The following IL1RL1 variants were observed in gnomAD, a reference collection of about 807,000 sequenced individuals.
IL1RL1 encodes the protein interleukin-1 receptor-like 1.
Under a neutral mutation model 50.9 loss-of-function variants are expected in IL1RL1, and 32 were observed. The observed-to-expected ratio is 0.63, with a 90% CI of 0.47 to 0.84. The LOEUF (loss-of-function observed/expected upper bound fraction) is 0.84, where lower values mean the gene tolerates loss of function less well. Among genes scored for constraint, IL1RL1 ranks in the 40% least tolerant of loss-of-function variants. The pLI is 0.00. For synonymous variants in IL1RL1, 275 were observed against 236.0 expected (o/e 1.17, Z -1.51); for missense variants, 773 against 662.9 (o/e 1.17, Z -1.82).
intron 9 of IL1RL1, among the ~76,000 whole-genome samples, chr2:102,348,472 G>T (rs186036322): frequency 1.3e-5 from 2 of 152,294 alleles, no homozygotes; most frequent in African/African-American, 2.4e-5. Context: ...AGGTTAGAAA[G>T]GTCCATCGGA....
chr2:102,340,534 A>T, intron 4 of IL1RL1, 132 bp from the exon 5 acceptor site: 1 of 904,684 alleles, frequency 1.1e-6, no homozygotes, highest in Non-Finnish European at 1.7e-6. Flanking sequence ...AATCACTTGA[A>T]CCTAGAAGGC....
intron 4 of IL1RL1, 77 bp downstream of exon 4, chr2:102,340,349 A>G (rs886134332): frequency 8.0e-7 from 1 of 1,246,188 alleles, no homozygotes; most frequent in Non-Finnish European, 1.1e-6. Flanking sequence ...ACAGTGGCTC[A>G]TGCCTGTAAT....
At chr2:102,317,917 G>C (rs1676724830) in intron 1 of IL1RL1, among the ~76,000 whole-genome samples, 1 of 152,166 alleles carries the variant, frequency 6.6e-6, no homozygotes, top group African/African-American at 2.4e-5. Flanking sequence ...AAATGCAAGA[G>C]AGGGTAAACA....
In IL1RL1 at chr2:102,324,982, C is replaced by A. The variant is rs969049767; in HGVS notation, c.-149-13134C>A. 2.0e-5 allele frequency among the ~76,000 whole-genome samples: 3 copies of A among 152,226 alleles called. 1 individual carries two copies. Among genetic ancestry groups the A allele is most frequent in the South Asian group, 4.1e-4 (2 of 4,832 alleles). Reference sequence around the variant, plus strand: ...CCTCTGCAGACTTAAATGAACCTGTCTGACAGCTTTGAAGAGAGTAGTGGT... The same window carrying A: ...CCTCTGCAGACTTAAATGAACCTGTATGACAGCTTTGAAGAGAGTAGTGGT... On this transcript the variant is annotated intron_variant, in intron 1 of 10. Transcript: ENST00000233954.
chr2:102,338,653 T>G lies in IL1RL1; in HGVS notation c.62-184T>G, dbSNP rs185472949. On this transcript the variant is annotated intron_variant, in intron 2 of 10. Transcript: ENST00000233954. ...TTTTCCATTGGATAACTGTGGGGGA[T>G]TTAGCTCCAAATTAATTCATTAACA... Among the ~76,000 whole-genome samples the G allele has an allele frequency of 3.8e-4, 58 of 152,302 alleles. 1 individual carries two copies. The Middle Eastern group carries it at 0.014, about 36-fold the overall frequency.
intron 2 of IL1RL1, 48 bp downstream of exon 2, chr2:102,338,373 ATTT>A: frequency 8.9e-7 from 1 of 1,126,634 alleles, no homozygotes; most frequent in Middle Eastern, 2.6e-4. Context: ...AAATTAAATA[ATTT>A]CAAGAACATT....
chr2:102,345,734 T>G (rs766876126), intron 8 of IL1RL1: 7 of 985,312 alleles, frequency 7.1e-6, no homozygotes, highest in Non-Finnish European at 8.4e-6. Flanking sequence ...TAGATGGCTA[T>G]AAGTGCCGTA....
chr2:102,343,158 G>A lies in IL1RL1; in HGVS notation c.805G>A (p.Glu269Lys). 6.2e-7 allele frequency: 1 copy of A among 1,614,150 alleles called. No homozygotes were observed. Among genetic ancestry groups the A allele is most frequent in the Non-Finnish European group, 8.5e-7 (1 of 1,180,014 alleles). Residue 269 changes from glutamate (E) to lysine (K), a missense_variant, in exon 7 of 11, where the codon GAG (glutamate) becomes AAG (lysine). Glu to Lys is a moderately conservative substitution (Grantham distance 56). Transcript: ENST00000233954. ...CTTTGGTGAACCAAGAATTCAACAAGAGGAAGGGCAAAATCAAAGGTATTT... is the reference window on the plus strand; with the variant it reads ...CTTTGGTGAACCAAGAATTCAACAAAAGGAAGGGCAAAATCAAAGGTATTT... ...TDFGEPRIQQ[E>K]EGQNQSFSNG...
chr2:102,349,574 A>G (rs531011495), intron 10 of IL1RL1, among the ~76,000 whole-genome samples: 1 of 152,198 alleles, frequency 6.6e-6, no homozygotes, highest in Admixed American at 6.5e-5. Flanking sequence ...AATTCTGTCC[A>G]TAAGATTTGA....
chr2:102,338,495 C>A (rs774429063), intron 2 of IL1RL1, among the ~76,000 whole-genome samples, 170 bp downstream of exon 2: 1 of 152,038 alleles, frequency 6.6e-6, no homozygotes, highest in Non-Finnish European at 1.5e-5. Flanking sequence ...AGAAGAAATT[C>A]TTTGTAATGA....
intron 1 of IL1RL1, among the ~76,000 whole-genome samples, chr2:102,322,931 T>C (rs1281501204): frequency 6.6e-6 from 1 of 152,204 alleles, no homozygotes; most frequent in African/African-American, 2.4e-5. Flanking sequence ...TTGCTTAGCA[T>C]AATTTTTCAG....
In IL1RL1 at chr2:102,351,908, C is replaced by T; in HGVS notation, c.1658C>T (p.Ala553Val). The part of the protein sequence containing the change: ...RKASSLTPLA[A>V]QKQ ...GCCTCTAGTTTGACTCCCTTGGCTG[C>T]CCAGAAGCAATAGTGCCTGCTGTGA... Residue 553 changes from alanine to valine, a missense_variant, in exon 11 of 11, where the codon GCC (alanine) becomes GTC (valine). Coordinates refer to ENST00000233954, the MANE Select transcript of IL1RL1 (RefSeq NM_016232.5). 1 of 1,608,568 alleles carries T rather than the reference C, an allele frequency of 6.2e-7. No homozygotes were observed. The highest frequency in any genetic ancestry group is 1.1e-5 in the South Asian group (1 of 90,352).
Position 102,340,137 on chromosome 2 carries a change from A to G in IL1RL1, c.312A>G (p.Ile104Met). Residue 104 changes from isoleucine (I) to methionine (M), a missense_variant, in exon 4 of 11, where the codon ATA (isoleucine) becomes ATG (methionine). By Grantham distance (10) the Ile-to-Met change is conservative (BLOSUM62 1). Transcript: ENST00000233954. Reference protein sequence around the residue: ...FNRTGYANVTIYKKQSDCNVP... With the variant: ...FNRTGYANVTMYKKQSDCNVP... ...GGACTGGATATGCGAATGTCACCAT[A>G]TATAAAAAACAATCAGATTGCAATG... The G allele has an allele frequency of 1.9e-6, 3 of 1,584,230 alleles. No individual in the cohort carries two copies. The highest frequency in any genetic ancestry group is 2.3e-5 in the East Asian group (1 of 43,900).
rs189627011 is a variant in IL1RL1, at chr2:102,340,704, C to T, written c.486C>T (p.His162=). 1.9e-6 allele frequency: 3 copies of T among 1,599,358 alleles called. No individual in the cohort carries two copies. Among genetic ancestry groups the T allele is most frequent in the South Asian group, 2.3e-5 (2 of 88,400 alleles). ...QALQGSRYRA[H]KSFLVIDNVM... Reference sequence around the variant, plus strand: ...TTCAAGGATCAAGGTACAGGGCGCACAAGTCATTTTTGGTCATTGATAATG... The same window carrying T: ...TTCAAGGATCAAGGTACAGGGCGCATAAGTCATTTTTGGTCATTGATAATG... The change falls in exon 5 of 11, where the codon CAC becomes CAT. Residue 162 remains histidine, a synonymous_variant. Coordinates refer to ENST00000233954, the MANE Select transcript of IL1RL1 (RefSeq NM_016232.5).
intron 8 of IL1RL1, among the ~76,000 whole-genome samples, chr2:102,346,428 T>G (rs973335627): frequency 3.3e-5 from 5 of 152,340 alleles, no homozygotes; most frequent in Admixed American, 3.3e-4. Flanking sequence ...ATACAGAAAG[T>G]AATGTTTTGT....
In IL1RL1 at chr2:102,343,661, A is replaced by T. The variant is rs144457031; in HGVS notation, c.970+246A>T. ...CTCCTATCGTTGGTTTGTCTAGAAC[A>T]CTCAGCTGCTTCTTTGGTCATCCTT... is the stretch of plus-strand genomic sequence containing the variant. On this transcript the variant is annotated intron_variant, in intron 8 of 10. Coordinates refer to ENST00000233954, the MANE Select transcript of IL1RL1 (RefSeq NM_016232.5). 2.6e-5 allele frequency: 36 copies of T among 1,390,894 alleles called. No individual in the cohort carries two copies. The East Asian group carries it at 9.2e-4, about 35-fold the overall frequency. The allele number at this position is 1,390,894 out of a possible 1,614,324, so 86.2% of individuals were successfully genotyped here.
At chr2:102,315,540 G>C (rs140969816) in intron 1 of IL1RL1, among the ~76,000 whole-genome samples, 1 of 152,288 alleles carries the variant, frequency 6.6e-6, no homozygotes, top group Non-Finnish European at 1.5e-5. Flanking sequence ...TATGGGTAAA[G>C]ACCGAGACTT....
rs79484059 is a variant in IL1RL1 at position 102,336,291 on chromosome 2, G to C, written c.-149-1825G>C. On this transcript the variant is annotated intron_variant, in intron 1 of 10. Transcript: ENST00000233954. ...AGTTGCTTAATCTCTCTGTGCCTCAGTGTCCTTGTCTGTAAAATGGGCATC... is the reference window on the plus strand; with the variant it reads ...AGTTGCTTAATCTCTCTGTGCCTCACTGTCCTTGTCTGTAAAATGGGCATC... Among the ~76,000 whole-genome samples, 1,143 of 152,288 alleles carry C rather than the reference G, an allele frequency of 7.5e-3. 18 individuals are homozygous for C. Among genetic ancestry groups the C allele is most frequent in the African/African-American group, 0.026 (1,098 of 41,568 alleles).
chr2:102,340,351 G>A, intron 4 of IL1RL1, 79 bp downstream of exon 4: 2 of 1,237,850 alleles, frequency 1.6e-6, no homozygotes, highest in Non-Finnish European at 2.3e-6. Context: ...AGTGGCTCAT[G>A]CCTGTAATCC....
Sources: gnomAD v4.1 joint callset for allele counts (sites outside exome capture counted in the v4.1 genomes callset) on GRCh38, gnomAD v4.1.1 for gene constraint, MANE v1.5 for transcripts, NCBI Gene and HGNC (gene_info 2026-07-23, HGNC 2026-07-21) for gene names.